Variants in CP observed in about 807,000 individuals in gnomAD.
The protein encoded by CP is ceruloplasmin, also known as caeruloplasmin.
CP carries 64 observed loss-of-function variants against 122.4 expected under a neutral mutation model. The observed-to-expected ratio is 0.52, with a 90% CI of 0.43 to 0.64. CP has a LOEUF of 0.64. Ranked by LOEUF, CP falls within the 30% of genes least tolerant of loss-of-function variation. The pLI, the probability that CP is intolerant of heterozygous loss-of-function variation, is 0.00. For missense variants in CP, 1,167 were observed against 1,284.4 expected, an observed-to-expected ratio of 0.91 and a Z score of 1.40; for synonymous variants, 440 against 436.4, an observed-to-expected ratio of 1.01 and a Z score of -0.10.
chr3:149,212,504 G>A lies in CP; in HGVS notation c.341C>T (p.Ser114Phe). 1 of 1,613,954 alleles carries A rather than the reference G, an allele frequency of 6.2e-7. No individual in the cohort carries two copies. The highest frequency in any genetic ancestry group is 1.1e-5 in the South Asian group (1 of 91,070). ...ATGTGAATGAAAGGTGTAGGGCCTAGAGGCAAGGTTTTTTAAGTGTACATA... is the reference window on the plus strand; with the variant it reads ...ATGTGAATGAAAGGTGTAGGGCCTAAAGGCAAGGTTTTTTAAGTGTACATA... ...KVYVHLKNLA[S>F]RPYTFHSHGI... is the part of the protein sequence containing the mutation. Residue 114 changes from serine to phenylalanine, a missense_variant, in exon 2 of 19, where the codon TCT (serine) becomes TTT (phenylalanine). Physicochemically the swap from Ser to Phe is radical, Grantham distance 155. Coordinates refer to ENST00000264613, the MANE Select transcript of CP (RefSeq NM_000096.4).
chr3:149,164,489 A>G (rs1456219396), intron 5 of CP, among the ~76,000 whole-genome samples: 2 of 152,180 alleles, frequency 1.3e-5, no homozygotes, highest in Admixed American at 6.5e-5. Flanking sequence ...TGGCAGTGAG[A>G]ATTAAAGTCC....
intron 13 of CP, among the ~76,000 whole-genome samples, chr3:149,182,490 T>G (rs1314979974): frequency 6.6e-6 from 1 of 152,134 alleles, no homozygotes; most frequent in Non-Finnish European, 1.5e-5. Context: ...CCAGCAACAA[T>G]GCCATTTTGC....
chr3:149,187,717 AT>A (rs1418671873), intron 10 of CP, among the ~76,000 whole-genome samples: 2 of 152,200 alleles, frequency 1.3e-5, no homozygotes, highest in Non-Finnish European at 2.9e-5. Context: ...TTGAAAACAG[AT>A]TGCCGGGATC....
chr3:149,213,631 GGTGTGTGTGTGTGTGTGTGT>G (rs71135672), intron 1 of CP, among the ~76,000 whole-genome samples: 2 of 143,750 alleles, frequency 1.4e-5, no homozygotes, highest in South Asian at 4.6e-4. Flanking sequence ...CATCATCATG[GGTGTGTGTGTGTGTGTGTGT>G]GTGTGTGTGT....
At chr3:149,184,279 C>G (rs34823342) in intron 12 of CP, among the ~76,000 whole-genome samples, 6,356 of 152,082 alleles carry the variant, frequency 0.042, 189 homozygotes, top group Non-Finnish European at 0.066. Flanking sequence ...TCGTGATCCG[C>G]CCGCCTCGGC....
intron 9 of CP, among the ~76,000 whole-genome samples, chr3:149,189,696 A>G (rs1030672184): frequency 6.6e-6 from 1 of 152,218 alleles, no homozygotes. Context: ...ACACCAGGTA[A>G]AGAACAACAA....
intron 18 of CP, 58 bp downstream of exon 18, chr3:149,176,191 TA>T (rs1398612902): frequency 6.6e-7 from 1 of 1,505,912 alleles, no homozygotes; most frequent in African/African-American, 1.4e-5. Flanking sequence ...TTAGGCAAAG[TA>T]GTTCCTTTAG....
At chr3:149,214,253 C>A (rs571510577) in intron 1 of CP, among the ~76,000 whole-genome samples, 41 of 152,218 alleles carry the variant, frequency 2.7e-4, no homozygotes, top group Admixed American at 5.9e-4. Context: ...ATAGATTAAG[C>A]CTGAGTGCTG....
At position 149,216,615 on chromosome 3, in the gene CP, G is replaced by A. The variant is rs528177175; in HGVS notation, c.147-3917C>T. On this transcript the variant is annotated intron_variant, in intron 1 of 18. Transcript: ENST00000264613. ...TGCCTACCATAAACAAGAATCATAAGGAAAACAGTCAAAAATTAACTGCTG... is the reference window on the plus strand; with the variant it reads ...TGCCTACCATAAACAAGAATCATAAAGAAAACAGTCAAAAATTAACTGCTG... Among the ~76,000 whole-genome samples, 120 of 152,262 alleles carry A rather than the reference G, an allele frequency of 7.9e-4. 2 individuals are homozygous for A. In the South Asian group the frequency reaches 0.024, roughly 31 times the overall value.
rs201723956 is a variant in CP at position 149,202,160 on chromosome 3, A to C, written c.1290T>G (p.Asp430Glu). The part of the protein sequence containing the change: ...YKKLVYREYT[D>E]ASFTNRKERG... ...TCTCCTTTCGATTTGTGAAGGAGGC[A>C]TCTGTGTACTCACGATAAACCAGCT... The change falls in exon 7 of 19, where the codon GAT (aspartate) becomes GAG (glutamate). Residue 430 changes from aspartate (D) to glutamate (E), a missense_variant. Asp to Glu is a conservative substitution (Grantham distance 45). Coordinates refer to ENST00000264613, the MANE Select transcript of CP (RefSeq NM_000096.4). 16 of 1,614,170 alleles carry C rather than the reference A, an allele frequency of 9.9e-6. 1 individual carries two copies. The East Asian group carries it at 2.7e-4, about 27-fold the overall frequency.
intron 3 of CP, 137 bp from the exon 4 acceptor site, chr3:149,209,521 C>T: frequency 1.1e-6 from 1 of 888,162 alleles, no homozygotes; most frequent in Non-Finnish European, 1.7e-6. Flanking sequence ...CCAGTCACTC[C>T]TGTTTTACAG....
At chr3:149,206,529 T>C (rs898896890) in intron 5 of CP, among the ~76,000 whole-genome samples, 190 bp from the exon 6 acceptor site, 7 of 152,234 alleles carry the variant, frequency 4.6e-5, no homozygotes, top group Non-Finnish European at 7.3e-5. Flanking sequence ...ACAGATATAC[T>C]TTGTTTTTTA....
chr3:149,212,821 G>A (rs555147288), intron 1 of CP, 123 bp from the exon 2 acceptor site: 1 of 1,229,186 alleles, frequency 8.1e-7, no homozygotes. Context: ...ATGTTTGCCT[G>A]TTGTAGGGAT....
chr3:149,176,244 A>G lies in CP; in HGVS notation c.3181+6T>C. 1 of 1,611,478 alleles carries G rather than the reference A, an allele frequency of 6.2e-7. No homozygotes were observed. The highest frequency in any genetic ancestry group is 8.5e-7 in the Non-Finnish European group (1 of 1,179,188). On this transcript the variant is annotated splice_donor_region_variant and intron_variant, in intron 18 of 18. Transcript: ENST00000264613. ...TGGCTTCTAGAATTACTACCTGGAT[A>G]TTCACCTTCATTTTGTAGAACGGTG...
intron 17 of CP, 135 bp downstream of exon 17, chr3:149,177,705 G>A (rs1725505879): frequency 1.1e-6 from 1 of 914,876 alleles, no homozygotes; most frequent in Non-Finnish European, 1.8e-6. Flanking sequence ...TCCTGGGTGG[G>A]GAATCCACGG....
rs1727935807 is a variant in CP, at chr3:149,209,099, T to A, written c.781+112A>T. On this transcript the variant is annotated intron_variant, in intron 4 of 18. Transcript: ENST00000264613. Reference sequence around the variant, plus strand: ...ATTGCACATCCAATATGCTTTGTTATAAGGACCACAGACTAGACACACAGT... The same window carrying A: ...ATTGCACATCCAATATGCTTTGTTAAAAGGACCACAGACTAGACACACAGT... 5 of 1,367,334 alleles carry A rather than the reference T, an allele frequency of 3.7e-6. No homozygotes were observed. In the Admixed American group the frequency reaches 9.4e-5, roughly 26 times the overall value. The allele number at this position is 1,367,334 out of a possible 1,614,324, so 84.7% of individuals were successfully genotyped here.
chr3:149,197,030 A>G (rs1276407750), intron 9 of CP, among the ~76,000 whole-genome samples: 1 of 152,096 alleles, frequency 6.6e-6, no homozygotes, highest in Non-Finnish European at 1.5e-5. Context: ...TCCTGGCTCA[A>G]AAAGCACCCC....
At chr3:149,177,191 C>T (rs558639230) in intron 17 of CP, among the ~76,000 whole-genome samples, 1 of 152,246 alleles carries the variant, frequency 6.6e-6, no homozygotes, top group Non-Finnish European at 1.5e-5. Flanking sequence ...GAACTTAGAA[C>T]AGGCAGGGCA....
At position 149,176,262 on chromosome 3, in the gene CP, G is replaced by T; in HGVS notation, c.3169C>A (p.Leu1057Ile). Residue 1057 changes from leucine (L) to isoleucine (I), a missense_variant, in exon 18 of 19, where the codon CTA becomes ATA. Physicochemically the swap from Leu to Ile is conservative, Grantham distance 5. Around this residue, in one of 2 missense-constraint regions of CP, gnomAD observed 525 missense variants for 657.2 expected, o/e 0.80. Transcript: ENST00000264613. ...HAGMETTYTV[L>I]QNEDTKSG ...CCTGGATATTCACCTTCATTTTGTA[G>T]AACGGTGTAAGTGGTTTCCATTCCA... 1 of 1,612,136 alleles carries T rather than the reference G, an allele frequency of 6.2e-7. No homozygotes were observed. Among genetic ancestry groups the T allele is most frequent in the Non-Finnish European group, 8.5e-7 (1 of 1,179,468 alleles).
Sources: allele counts gnomAD v4.1 joint callset (sites outside exome capture counted in the v4.1 genomes callset), GRCh38; gene constraint gnomAD v4.1.1; regional missense constraint gnomAD v4.1.1; transcripts MANE v1.5; gene names NCBI Gene and HGNC (gene_info 2026-07-23, HGNC 2026-07-21).